Variants in ZNF654 observed in about 807,000 individuals in gnomAD.
ZNF654 encodes melanoma-associated antigen.
In ZNF654, 19 loss-of-function variants were observed where a neutral mutation model predicts 95.3. The ratio of observed to expected loss-of-function variants is 0.20; its 90% confidence interval spans 0.14 to 0.29. The LOEUF (loss-of-function observed/expected upper bound fraction) is 0.29. ZNF654 is among the 10% of genes least tolerant of loss of function. The pLI is 1.00. For missense variants in ZNF654, 1,046 were observed against 1,341.0 expected (o/e 0.78, Z 3.44); for synonymous variants, 413 against 457.9 (o/e 0.90, Z 1.25).
chr3:88,074,667 A>G (rs955021212), intron 1 of ZNF654, among the ~76,000 whole-genome samples: 1 of 152,162 alleles, frequency 6.6e-6, no homozygotes, highest in Non-Finnish European at 1.5e-5. Flanking sequence ...AAGAGTCTTG[A>G]AGATCAGTAG....
chr3:88,113,041 G>A (rs1010625893), intron 2 of ZNF654, 74 bp from the exon 3 acceptor site: 8 of 1,008,504 alleles, frequency 7.9e-6, no homozygotes, highest in Non-Finnish European at 1.2e-5. Flanking sequence ...TTAGATAGCT[G>A]ATACTGTTTG....
intron 7 of ZNF654, among the ~76,000 whole-genome samples, chr3:88,137,748 T>A (rs1327684610): frequency 2.0e-5 from 3 of 151,972 alleles, no homozygotes; most frequent in African/African-American, 7.3e-5. Flanking sequence ...AAAGTGAAAA[T>A]CGGATGTGCC....
At chr3:88,126,536 G>A (rs1263684769) in intron 4 of ZNF654, among the ~76,000 whole-genome samples, 2 of 125,840 alleles carry the variant, frequency 1.6e-5, no homozygotes, top group Admixed American at 8.0e-5. Context: ...GTGTATTTTT[G>A]TCACTTCAGT....
At chr3:88,076,883 A>T (rs1420904847) in intron 1 of ZNF654, among the ~76,000 whole-genome samples, 1 of 152,206 alleles carries the variant, frequency 6.6e-6, no homozygotes, top group East Asian at 1.9e-4. Context: ...AAGCTGCCAC[A>T]TGGAGGACTC....
intron 5 of ZNF654, among the ~76,000 whole-genome samples, chr3:88,129,223 A>G (rs1706293560): frequency 6.6e-6 from 1 of 151,742 alleles, no homozygotes; most frequent in Non-Finnish European, 1.5e-5. Flanking sequence ...GATGAAATCA[A>G]TAAAATATAC....
intron 2 of ZNF654, among the ~76,000 whole-genome samples, chr3:88,088,753 T>TGGATGGATGG (rs1559701594): frequency 7.6e-5 from 9 of 118,186 alleles, no homozygotes; most frequent in African/African-American, 2.6e-4. Flanking sequence ...TTTATGTATG[T>TGGATGGATGG]ATGTATGTAT....
intron 2 of ZNF654, chr3:88,096,106 T>G (rs1704043442): frequency 6.2e-6 from 1 of 161,536 alleles, no homozygotes; most frequent in African/African-American, 2.4e-5. Flanking sequence ...ATTTTCTTTT[T>G]GATTAAGATC....
At position 88,063,738 on chromosome 3, in the gene ZNF654, AT is replaced by A. The variant is rs1707027282; in HGVS notation, c.186+4236del. 3.9e-5 allele frequency among the ~76,000 whole-genome samples: 6 copies of A among 152,188 alleles called. No homozygotes were observed. The South Asian group carries it at 1.2e-3, about 31-fold the overall frequency. ...CTTAAGTGGTTCAAACAAGGTGGGC[AT>A]TTATTATGTAAAAAAATCTTGAATA... On this transcript the variant is annotated intron_variant, in intron 1 of 8. Coordinates refer to ENST00000636215, the MANE Select transcript of ZNF654 (RefSeq NM_001350134.2).
chr3:88,109,143 G>GT (rs1491413654), intron 2 of ZNF654, among the ~76,000 whole-genome samples: 3 of 2,746 alleles, frequency 1.1e-3, no homozygotes, highest in Admixed American at 0.023. Flanking sequence ...GTGGGCACTA[G>GT]TGTGTGTGTG....
intron 2 of ZNF654, among the ~76,000 whole-genome samples, chr3:88,086,849 C>A (rs898846691): frequency 6.6e-6 from 1 of 152,210 alleles, no homozygotes; most frequent in African/African-American, 2.4e-5. Context: ...GTGGTGCCAT[C>A]TCGGCTCACT....
intron 1 of ZNF654, among the ~76,000 whole-genome samples, chr3:88,074,784 A>G (rs1343077183): frequency 6.6e-6 from 1 of 152,232 alleles, no homozygotes; most frequent in Admixed American, 6.5e-5. Flanking sequence ...TACTTTTGCC[A>G]GTAAAAATTA....
chr3:88,072,691 A>G (rs193216940), intron 1 of ZNF654, among the ~76,000 whole-genome samples: 1 of 152,234 alleles, frequency 6.6e-6, no homozygotes, highest in East Asian at 1.9e-4. Context: ...TGTTTTATTA[A>G]TATTATATTT....
At chr3:88,107,965 T>C (rs1467569985) in intron 2 of ZNF654, among the ~76,000 whole-genome samples, 2 of 152,160 alleles carry the variant, frequency 1.3e-5, no homozygotes, top group Non-Finnish European at 2.9e-5. Flanking sequence ...CCTTGTATGT[T>C]GTGGTTTTTA....
At chr3:88,076,948 G>A (rs1219258299) in intron 1 of ZNF654, among the ~76,000 whole-genome samples, 3 of 152,138 alleles carry the variant, frequency 2.0e-5, no homozygotes, top group South Asian at 2.1e-4. Context: ...ATGAGAACCA[G>A]ACCAATACAT....
At chr3:88,099,571 A>G (rs1204571026) in intron 2 of ZNF654, among the ~76,000 whole-genome samples, 3 of 152,132 alleles carry the variant, frequency 2.0e-5, no homozygotes, top group Non-Finnish European at 4.4e-5. Flanking sequence ...CCTACTTCAA[A>G]CTATACTACA....
intron 7 of ZNF654, 129 bp downstream of exon 7, chr3:88,135,331 A>G (rs1486937490): frequency 3.0e-6 from 2 of 662,658 alleles, no homozygotes; most frequent in African/African-American, 1.9e-5. Context: ...CACATTCTCC[A>G]TACATTACAT....
Position 88,144,079 on chromosome 3 carries a change from CA to C in ZNF654, c.*2433del, listed in dbSNP as rs759372273. On this transcript the variant is annotated 3_prime_UTR_variant, in exon 9 of 9. Coordinates refer to ENST00000636215, the MANE Select transcript of ZNF654 (RefSeq NM_001350134.2). Reference sequence around the variant, plus strand: ...TTTGTTTTTAAATAAAAATTTCCTTCAAAAAATTAAATGTTAAATTTCTGCT... The same window carrying C: ...TTTGTTTTTAAATAAAAATTTCCTTCAAAAATTAAATGTTAAATTTCTGCT... The C allele has an allele frequency of 3.3e-5, 5 of 152,202 alleles. No homozygotes were observed. In the East Asian group the frequency reaches 9.6e-4, roughly 29 times the overall value. The allele number at this position is 152,202 out of a possible 1,614,324, so 9.4% of individuals were successfully genotyped here.
chr3:88,078,798 G>T (rs1374994706), intron 1 of ZNF654, among the ~76,000 whole-genome samples: 14 of 152,050 alleles, frequency 9.2e-5, no homozygotes, highest in Non-Finnish European at 1.5e-5. Flanking sequence ...GGAGATGGGG[G>T]ATGGATTAGT....
chr3:88,106,980 T>C (rs758245703), intron 2 of ZNF654, among the ~76,000 whole-genome samples: 1 of 152,216 alleles, frequency 6.6e-6, no homozygotes, highest in Non-Finnish European at 1.5e-5. Context: ...TGTCTGTTCG[T>C]GTGCCAACAC....
Sources: gnomAD v4.1 joint callset for allele counts (sites outside exome capture counted in the v4.1 genomes callset) on GRCh38, gnomAD v4.1.1 for gene constraint, MANE v1.5 for transcripts, NCBI Gene and HGNC (gene_info 2026-07-23, HGNC 2026-07-21) for gene names.